Variants in LRRIQ1 observed in about 807,000 individuals in gnomAD.
The protein encoded by LRRIQ1 is leucine-rich repeat- and IQ domain-containing protein 1.
A neutral mutation model predicts 211.9 loss-of-function variants in LRRIQ1; 210 were observed. The ratio of observed to expected loss-of-function variants is 0.99; its 90% CI spans 0.89 to 1.11. The LOEUF is 1.11. Among genes scored for constraint, LRRIQ1 ranks in the 50% most tolerant of loss-of-function variants. The pLI is 0.00. For missense variants in LRRIQ1, 2,136 were observed against 1,939.5 expected, an observed-to-expected ratio of 1.10 and a Z score of -1.90; for synonymous variants, 699 against 650.1, an observed-to-expected ratio of 1.08 and a Z score of -1.14.
At chr12:85,190,161 ATATAT>A (rs1012155306) in intron 24 of LRRIQ1, among the ~76,000 whole-genome samples, 9 of 143,704 alleles carry the variant, frequency 6.3e-5, no homozygotes, top group Non-Finnish European at 1.4e-4. Flanking sequence ...TAATATAACA[ATATAT>A]TATGTATGAT....
At chr12:85,218,814 C>G (rs566027483) in intron 24 of LRRIQ1, among the ~76,000 whole-genome samples, 19 of 151,998 alleles carry the variant, frequency 1.3e-4, no homozygotes, top group African/African-American at 3.9e-4. Context: ...GAATAAATAC[C>G]AGGACAGGGA....
At chr12:85,122,060 T>C (rs1410368714) in intron 16 of LRRIQ1, among the ~76,000 whole-genome samples, 184 bp downstream of exon 16, 2 of 152,160 alleles carry the variant, frequency 1.3e-5, no homozygotes, top group Non-Finnish European at 2.9e-5. Context: ...TAATATGTAT[T>C]TTGAACATAA....
At chr12:85,200,109 T>C (rs1390894641) in intron 24 of LRRIQ1, among the ~76,000 whole-genome samples, 1 of 152,186 alleles carries the variant, frequency 6.6e-6, no homozygotes, top group East Asian at 1.9e-4. Flanking sequence ...GAGCATGGAA[T>C]GTTTTTCCAT....
intron 24 of LRRIQ1, among the ~76,000 whole-genome samples, chr12:85,164,254 C>T (rs1266147330): frequency 6.6e-6 from 1 of 152,116 alleles, no homozygotes; most frequent in Non-Finnish European, 1.5e-5. Flanking sequence ...TCATCACTTG[C>T]ATAAGAACAA....
chr12:85,118,800 C>T (rs1005915801), intron 15 of LRRIQ1, among the ~76,000 whole-genome samples: 1 of 151,972 alleles, frequency 6.6e-6, no homozygotes, highest in South Asian at 2.1e-4. Context: ...TTTTAATAAT[C>T]TCGCTTTGTC....
chr12:85,209,145 A>G (rs1249880298), intron 24 of LRRIQ1, among the ~76,000 whole-genome samples: 1 of 152,218 alleles, frequency 6.6e-6, no homozygotes. Context: ...ATTTGAAAAT[A>G]TATCTATATT....
At position 85,098,473 on chromosome 12, in the gene LRRIQ1, T is replaced by C. The variant is rs1886088535; in HGVS notation, c.3006T>C (p.His1002=). 3.1e-6 allele frequency: 5 copies of C among 1,612,288 alleles called. No homozygotes were observed. The East Asian group carries it at 1.1e-4, about 36-fold the overall frequency. Residue 1002 remains histidine, a synonymous_variant, in exon 12 of 27, where the codon CAT becomes CAC. Transcript: ENST00000393217. ...TATACCTAGATTGCTCCCATAATCATCTTACTGATGTAGAGGGCGTTGAAA... is the reference window on the plus strand; with the variant it reads ...TATACCTAGATTGCTCCCATAATCACCTTACTGATGTAGAGGGCGTTGAAA... ...TIVYLDCSHN[H]LTDVEGVENC...
chr12:85,267,715 ACT>A (rs1443240163), downstream of LRRIQ1, among the ~76,000 whole-genome samples: 1 of 151,988 alleles, frequency 6.6e-6, no homozygotes, highest in Non-Finnish European at 1.5e-5. Context: ...GCTTAGAATA[ACT>A]CAGTGTGATA....
intron 11 of LRRIQ1, among the ~76,000 whole-genome samples, chr12:85,087,417 T>C (rs1884942916): frequency 6.6e-6 from 1 of 152,234 alleles, no homozygotes; most frequent in Admixed American, 6.5e-5. Context: ...TGTGCATGTG[T>C]CTTTATAGCA....
chr12:85,070,291 G>A (rs139412573), intron 10 of LRRIQ1, among the ~76,000 whole-genome samples: 51 of 151,940 alleles, frequency 3.4e-4, no homozygotes, highest in African/African-American at 1.0e-3. Flanking sequence ...TAGCCTAAAC[G>A]CTCCATTATA....
chr12:85,040,742 C>T, intron 3 of LRRIQ1, 141 bp downstream of exon 3: 1 of 452,508 alleles, frequency 2.2e-6, no homozygotes, highest in Non-Finnish European at 3.9e-6. Context: ...AATATATCTA[C>T]AGTATATTGG....
At chr12:85,057,868 A>G (rs77687499) in intron 8 of LRRIQ1, among the ~76,000 whole-genome samples, 1 of 152,094 alleles carries the variant, frequency 6.6e-6, no homozygotes, top group Non-Finnish European at 1.5e-5. Flanking sequence ...TGATTAAAAT[A>G]CATATATTTA....
intron 14 of LRRIQ1, 143 bp from the exon 15 acceptor site, chr12:85,106,379 T>C: frequency 3.3e-6 from 2 of 603,250 alleles, no homozygotes. Flanking sequence ...ACAGTCTTCT[T>C]TAAAAAGCAT....
chr12:85,098,603 A>T, intron 12 of LRRIQ1, 55 bp downstream of exon 12: 1 of 1,414,516 alleles, frequency 7.1e-7, no homozygotes, highest in East Asian at 2.3e-5. Flanking sequence ...TTCTTTTGAT[A>T]GAAATACCAA....
At chr12:85,148,052 A>G (rs1302483130) in intron 19 of LRRIQ1, among the ~76,000 whole-genome samples, 1 of 151,842 alleles carries the variant, frequency 6.6e-6, no homozygotes, top group East Asian at 1.9e-4. Context: ...GTTCAACTTC[A>G]TTTTCAATAC....
chr12:85,068,209 G>T (rs909246327), intron 10 of LRRIQ1, among the ~76,000 whole-genome samples: 2 of 151,818 alleles, frequency 1.3e-5, no homozygotes, highest in Non-Finnish European at 1.5e-5. Context: ...GAAATACTGG[G>T]CTCCCAGAGG....
At position 85,194,391 on chromosome 12, in the gene LRRIQ1, C is replaced by T. The variant is rs1892773456; in HGVS notation, c.4822+33677C>T. On this transcript the variant is annotated intron_variant, in intron 24 of 26. Transcript: ENST00000393217. ...ATACATTTTTTTCAGCACCACACCA[C>T]ACCTATTCCAAAATTGACCACATAC... Among the ~76,000 whole-genome samples, 4 of 142,082 alleles carry T rather than the reference C, an allele frequency of 2.8e-5. No homozygotes were observed. In the South Asian group the frequency reaches 7.1e-4, roughly 25 times the overall value. The allele number at this position is 142,082 out of a possible 152,430, so 93.2% of individuals were successfully genotyped here. A position where few individuals can be genotyped will look rare whatever the true frequency, so the allele number is the denominator to read the frequency against.
intron 6 of LRRIQ1, among the ~76,000 whole-genome samples, chr12:85,050,512 C>T (rs980638308): frequency 6.6e-6 from 1 of 152,096 alleles, no homozygotes; most frequent in Non-Finnish European, 1.5e-5. Flanking sequence ...TTTGATAAGC[C>T]ACACTATTAT....
chr12:85,127,956 A>G lies in LRRIQ1; in HGVS notation c.4132A>G (p.Thr1378Ala), dbSNP rs76349968. Residue 1378 changes from threonine to alanine, a missense_variant, in exon 18 of 27, where the codon ACT (threonine) becomes GCT (alanine). Transcript: ENST00000393217. ...GCCAAATTCTTCCATCAAGAATCAG[A>G]CTATTTTAAAGAAAGGAAAAAGAGA... ...GLPNSSIKNQ[T>A]ILKKGKRENI... The G allele has an allele frequency of 1.2e-6, 2 of 1,613,560 alleles. No homozygotes were observed. Among genetic ancestry groups the G allele is most frequent in the Non-Finnish European group, 1.7e-6 (2 of 1,179,572 alleles).
Sources: gnomAD v4.1 joint callset for allele counts (sites outside exome capture counted in the v4.1 genomes callset) on GRCh38, gnomAD v4.1.1 for gene constraint, MANE v1.5 for transcripts, NCBI Gene and HGNC (gene_info 2026-07-23, HGNC 2026-07-21) for gene names.